NRDE2: variants seen among roughly 807,000 people sequenced by gnomAD.
NRDE2 encodes the protein nuclear exosome regulator NRDE2.
A neutral mutation model predicts 124.2 loss-of-function variants in NRDE2; 76 were observed. The ratio of observed to expected loss-of-function variants is 0.61; its 90% CI spans 0.51 to 0.74. The LOEUF (loss-of-function observed/expected upper bound fraction) is 0.74. Ranked by LOEUF, NRDE2 falls within the 30% of genes least tolerant of loss-of-function variation. NRDE2 has a pLI of 0.00. For missense variants in NRDE2, 1,314 were observed against 1,417.3 expected (o/e 0.93, Z 1.17); for synonymous variants, 489 against 528.1 (o/e 0.93, Z 1.01).
intron 8 of NRDE2, among the ~76,000 whole-genome samples, chr14:90,296,317 G>A (rs1204954811): frequency 2.0e-5 from 3 of 152,126 alleles, no homozygotes; most frequent in African/African-American, 4.8e-5. Flanking sequence ...ACCTACTTCC[G>A]TTTCATGCAG....
At chr14:90,305,523 C>T (rs1266260975) in intron 4 of NRDE2, among the ~76,000 whole-genome samples, 1 of 152,196 alleles carries the variant, frequency 6.6e-6, no homozygotes, top group Non-Finnish European at 1.5e-5. Context: ...AAAGAGTCCA[C>T]GTGTCCATCA....
intron 1 of NRDE2, among the ~76,000 whole-genome samples, chr14:90,318,628 C>T (rs558183196): frequency 6.6e-6 from 1 of 152,178 alleles, no homozygotes; most frequent in South Asian, 2.1e-4. Flanking sequence ...GGTGAAAAAC[C>T]ATCTCTACTA....
At chr14:90,285,531 A>C (rs1349609527) in intron 12 of NRDE2, among the ~76,000 whole-genome samples, 2 of 151,982 alleles carry the variant, frequency 1.3e-5, no homozygotes, top group Non-Finnish European at 2.9e-5. Flanking sequence ...CGAACTCCTG[A>C]CCTCAGGTGA....
Position 90,269,780 on chromosome 14 carries a change from A to G in NRDE2, c.*8556T>C, listed in dbSNP as rs774580836. The G allele has an allele frequency of 1.4e-5, 6 of 438,922 alleles. No homozygotes were observed. Among genetic ancestry groups the G allele is most frequent in the African/African-American group, 4.0e-5 (2 of 49,426 alleles). The allele number at this position is 438,922 out of a possible 1,614,324, so 27.2% of individuals were successfully genotyped here. On this transcript the variant is annotated 3_prime_UTR_variant, in exon 14 of 14. Transcript: ENST00000354366. ...TCTTATGTCTTGTCTTTTCTTTTCCATAACATTCCCTTTTTAGCCTCAAGA... is the reference window on the plus strand; with the variant it reads ...TCTTATGTCTTGTCTTTTCTTTTCCGTAACATTCCCTTTTTAGCCTCAAGA...
chr14:90,300,446 C>A (rs532586745), intron 7 of NRDE2, among the ~76,000 whole-genome samples: 1 of 152,228 alleles, frequency 6.6e-6, no homozygotes, highest in Admixed American at 6.5e-5. Flanking sequence ...GAATGTTCAC[C>A]ATAAACTCAT....
rs1043470398 is a variant in NRDE2 at position 90,277,410 on chromosome 14, C to T, written c.*926G>A. On this transcript the variant is annotated 3_prime_UTR_variant, in exon 14 of 14. Transcript: ENST00000354366. The stretch of plus-strand genomic sequence containing the variant: ...GAGAAGATAAGAAAACCATTCCTTC[C>T]AGCCATATGTTAATAGTGAAAATCA... The T allele has an allele frequency of 2.0e-5, 3 of 152,254 alleles. No individual in the cohort carries two copies. The highest frequency in any genetic ancestry group is 4.4e-5 in the Non-Finnish European group (3 of 68,062). The allele number at this position is 152,254 out of a possible 1,614,324, so 9.4% of individuals were successfully genotyped here.
intron 3 of NRDE2, among the ~76,000 whole-genome samples, chr14:90,315,974 A>G (rs1566699091): frequency 1.3e-5 from 2 of 151,570 alleles, no homozygotes; most frequent in African/African-American, 2.4e-5. Context: ...AAAAAAAAAA[A>G]AAAAAGAAAG....
intron 4 of NRDE2, among the ~76,000 whole-genome samples, chr14:90,305,140 T>A: frequency 6.6e-6 from 1 of 151,524 alleles, no homozygotes; most frequent in African/African-American, 2.4e-5. Flanking sequence ...AAGACATGAA[T>A]AGCCAATAAG....
intron 12 of NRDE2, among the ~76,000 whole-genome samples, chr14:90,282,459 A>G (rs1891979615): frequency 6.6e-6 from 1 of 150,778 alleles, no homozygotes; most frequent in Non-Finnish European, 1.5e-5. Context: ...AGCCTGGGCA[A>G]TAAGAAAGAC....
At position 90,301,376 on chromosome 14, in the gene NRDE2, C is replaced by A. The variant is rs780834337; in HGVS notation, c.1412-4G>T. Reference sequence around the variant, plus strand: ...TGGCACTGCTGAAGAAAGAGTGCTGCGAACAGGAGGGCAAAGGGGAAGAAG... The same window carrying A: ...TGGCACTGCTGAAGAAAGAGTGCTGAGAACAGGAGGGCAAAGGGGAAGAAG... On this transcript the variant is annotated splice_region_variant and splice_polypyrimidine_tract_variant and intron_variant, in intron 6 of 13. Coordinates refer to ENST00000354366, the MANE Select transcript of NRDE2 (RefSeq NM_017970.4). 1 of 1,613,482 alleles carries A rather than the reference C, an allele frequency of 6.2e-7. No homozygotes were observed. Among genetic ancestry groups the A allele is most frequent in the East Asian group, 2.2e-5 (1 of 44,854 alleles).
At chr14:90,283,555 TGG>T (rs2030874108) in intron 12 of NRDE2, among the ~76,000 whole-genome samples, 1 of 152,172 alleles carries the variant, frequency 6.6e-6, no homozygotes, top group Non-Finnish European at 1.5e-5. Context: ...ACTAAAACCC[TGG>T]GCTCCTGACT....
At chr14:90,311,553 C>T (rs541444000) in intron 4 of NRDE2, among the ~76,000 whole-genome samples, 6 of 152,188 alleles carry the variant, frequency 3.9e-5, no homozygotes, top group Non-Finnish European at 8.8e-5. Context: ...TCCTTCTCCA[C>T]CTTCCACCAT....
chr14:90,329,283 C>T (rs1885572509), intron 1 of NRDE2, among the ~76,000 whole-genome samples: 1 of 152,242 alleles, frequency 6.6e-6, no homozygotes, highest in African/African-American at 2.4e-5. Context: ...TATGCCACTA[C>T]ACCTCCAGAC....
chr14:90,321,203 A>C (rs1885228080), intron 1 of NRDE2, among the ~76,000 whole-genome samples: 1 of 152,090 alleles, frequency 6.6e-6, no homozygotes, highest in Non-Finnish European at 1.5e-5. Flanking sequence ...ACAGTGTGTG[A>C]CTCTTCAAAG....
Position 90,292,837 on chromosome 14 carries a change from C to G in NRDE2, c.1702G>C (p.Glu568Gln), listed in dbSNP as rs1302156503. 1 of 1,614,106 alleles carries G rather than the reference C, an allele frequency of 6.2e-7. No individual in the cohort carries two copies. The change falls in exon 9 of 14, where the codon GAA (glutamate) becomes CAA (glutamine). Residue 568 changes from glutamate to glutamine, a missense_variant. Glu to Gln is a conservative substitution (Grantham distance 29, BLOSUM62 2). Coordinates refer to ENST00000354366, the MANE Select transcript of NRDE2 (RefSeq NM_017970.4). ...CTGGGCAGAGTCTTATCTTTTATTT[C>G]CTGGTCATCCTCTTCTGGTTCATCG... ...DDDEPEEDDQ[E>Q]IKDKTLPRWQ... is the part of the protein sequence containing the mutation.
Position 90,273,777 on chromosome 14 carries a change from G to C in NRDE2, c.*4559C>G, listed in dbSNP as rs972012817. On this transcript the variant is annotated 3_prime_UTR_variant, in exon 14 of 14. Transcript: ENST00000354366. ...TGAGGTCAGCATTTCCTTGCTGGCT[G>C]CCAGCTGAGGCCTTTGCCAGTCTGT... 1 of 154,742 alleles carries C rather than the reference G, an allele frequency of 6.5e-6. No individual in the cohort carries two copies. Among genetic ancestry groups the C allele is most frequent in the Non-Finnish European group, 1.5e-5 (1 of 68,232 alleles). The allele number at this position is 154,742 out of a possible 1,614,324, so 9.6% of individuals were successfully genotyped here. A position where few individuals can be genotyped will look rare whatever the true frequency, so the allele number is the denominator to read the frequency against.
Position 90,290,268 on chromosome 14 carries a change from C to T in NRDE2, c.2182G>A (p.Glu728Lys), listed in dbSNP as rs756988138. 3.7e-6 allele frequency: 6 copies of T among 1,614,072 alleles called. No individual in the cohort carries two copies. The South Asian group carries it at 4.4e-5, about 12-fold the overall frequency. ...HLVMPLFSGK[E>K]KSQLCFSWLQ... ...CAGGAGAAGCAGAGCTGGGACTTCT[C>T]TTTGCCTGAAAATAAAGGCATGACA... The change falls in exon 10 of 14, where the codon GAG becomes AAG. Residue 728 changes from glutamate to lysine, a missense_variant. Coordinates refer to ENST00000354366, the MANE Select transcript of NRDE2 (RefSeq NM_017970.4).
rs753064985 is a variant in NRDE2, at chr14:90,288,565, G to C, written c.2810C>G (p.Ser937Cys). Residue 937 changes from serine to cysteine, a missense_variant, in exon 11 of 14, where the codon TCT (serine) becomes TGT (cysteine). Ser to Cys is a moderately radical substitution (Grantham distance 112). Coordinates refer to ENST00000354366, the MANE Select transcript of NRDE2 (RefSeq NM_017970.4). ...CTCGCCAGAGCCTTCTGGGAAAACA[G>C]AACTGTTCAGTTTTGCAAACACCTG... ...YEQVFAKLNS[S>C]VFPEGSGEGD... 5.0e-5 allele frequency: 80 copies of C among 1,614,030 alleles called. No individual in the cohort carries two copies. The highest frequency in any genetic ancestry group is 6.7e-5 in the Non-Finnish European group (79 of 1,180,024).
intron 6 of NRDE2, among the ~76,000 whole-genome samples, chr14:90,302,369 C>T (rs555352082): frequency 9.8e-5 from 15 of 152,308 alleles, no homozygotes; most frequent in South Asian, 4.2e-4. Context: ...GGGCATCTCA[C>T]GGACATTACT....
Sources: allele counts gnomAD v4.1 joint callset (sites outside exome capture counted in the v4.1 genomes callset), GRCh38; gene constraint gnomAD v4.1.1; transcripts MANE v1.5; gene names NCBI Gene and HGNC (gene_info 2026-07-23, HGNC 2026-07-21).